The following PTPRQ variants were observed in gnomAD, a reference collection of about 807,000 sequenced individuals.
The protein encoded by PTPRQ is phosphatidylinositol phosphatase PTPRQ.
Under a neutral mutation model 246.0 loss-of-function variants are expected in PTPRQ, and 199 were observed. That is an observed-to-expected ratio of 0.81 (90% CI 0.72 to 0.91). PTPRQ has a LOEUF of 0.91. PTPRQ is among the 40% of genes least tolerant of loss of function. The pLI is 0.00. For missense variants in PTPRQ, 2,624 were observed against 2,528.4 expected (o/e 1.04, Z -0.81); for synonymous variants, 869 against 853.2 (o/e 1.02, Z -0.32).
At chr12:80,565,933 G>C (rs1040000555) in intron 25 of PTPRQ, among the ~76,000 whole-genome samples, 1 of 152,100 alleles carries the variant, frequency 6.6e-6, no homozygotes, top group African/African-American at 2.4e-5. Flanking sequence ...GCCACTATGA[G>C]ATTAAACACA....
In PTPRQ at chr12:80,632,296, G is replaced by A. The variant is rs1466880621; in HGVS notation, c.5786+5G>A. On this transcript the variant is annotated splice_donor_5th_base_variant and intron_variant, in intron 34 of 44. Transcript: ENST00000644991. ...AGCTATTTTTGCATTTGCAAGGTAA[G>A]ATTTATTTGCGCTTACATTCCAGGA... 1.9e-6 allele frequency: 3 copies of A among 1,551,044 alleles called. No homozygotes were observed. The East Asian group carries it at 7.3e-5, about 38-fold the overall frequency.
At chr12:80,514,797 T>C (rs1895242199) in intron 17 of PTPRQ, among the ~76,000 whole-genome samples, 1 of 146,940 alleles carries the variant, frequency 6.8e-6, no homozygotes, top group Non-Finnish European at 1.5e-5. Flanking sequence ...ATATATTTTT[T>C]CTTATTGTAT....
At chr12:80,483,241 T>G in intron 8 of PTPRQ, among the ~76,000 whole-genome samples, 1 of 132,326 alleles carries the variant, frequency 7.6e-6, no homozygotes. Flanking sequence ...ATGGATGAAA[T>G]TGGAAATCAT....
chr12:80,463,529 A>T lies in PTPRQ; in HGVS notation c.910+2627A>T, dbSNP rs529427141. Among the ~76,000 whole-genome samples, 8 of 152,158 alleles carry T rather than the reference A, an allele frequency of 5.3e-5. No homozygotes were observed. The South Asian group carries it at 1.7e-3, about 32-fold the overall frequency. ...GAAATACAGAGAATGCCACAAAGAT[A>T]CTCCTTGAGAAGAGCAACTCTAAGA... On this transcript the variant is annotated intron_variant, in intron 6 of 44. Coordinates refer to ENST00000644991, the MANE Select transcript of PTPRQ (RefSeq NM_001145026.2).
At chr12:80,473,595 A>G (rs1367381987) in intron 8 of PTPRQ, among the ~76,000 whole-genome samples, 1 of 152,252 alleles carries the variant, frequency 6.6e-6, no homozygotes, top group African/African-American at 2.4e-5. Context: ...AATAGAATCC[A>G]CAACTCAATA....
intron 43 of PTPRQ, among the ~76,000 whole-genome samples, chr12:80,676,957 A>G (rs1901164864): frequency 6.6e-6 from 1 of 152,188 alleles, no homozygotes; most frequent in Non-Finnish European, 1.5e-5. Flanking sequence ...TCTTAAGGTA[A>G]TATGGCTCTC....
intron 17 of PTPRQ, chr12:80,525,817 C>A (rs935878736): frequency 2.0e-5 from 3 of 152,024 alleles, no homozygotes; most frequent in Non-Finnish European, 4.4e-5. Context: ...TGGGAGTATA[C>A]TACTGATTAT....
At chr12:80,603,491 G>T (rs1032855210) in intron 26 of PTPRQ, among the ~76,000 whole-genome samples, 61 of 151,536 alleles carry the variant, frequency 4.0e-4, no homozygotes, top group African/African-American at 1.3e-3. Flanking sequence ...CATAAATACT[G>T]GTCTCTCTGT....
At chr12:80,535,084 T>G in intron 19 of PTPRQ, 47 bp downstream of exon 19, 1 of 1,443,034 alleles carries the variant, frequency 6.9e-7, no homozygotes, top group Non-Finnish European at 9.2e-7. Flanking sequence ...TCCTTAAGTT[T>G]TATTAATAAT....
intron 17 of PTPRQ, among the ~76,000 whole-genome samples, chr12:80,526,767 G>A (rs1895699181): frequency 6.6e-6 from 1 of 151,986 alleles, no homozygotes; most frequent in Non-Finnish European, 1.5e-5. Flanking sequence ...ACATTTAAGA[G>A]TCCTAACCAG....
chr12:80,525,493 T>C lies in PTPRQ; in HGVS notation c.2679-8522T>C, dbSNP rs1284883748. On this transcript the variant is annotated intron_variant, in intron 17 of 44. Transcript: ENST00000644991. Reference sequence around the variant, plus strand: ...GGAGAGCTGGTTAGGCCATATACATTGAGTCTTGAAGCCAGAATAAGAAGT... The same window carrying C: ...GGAGAGCTGGTTAGGCCATATACATCGAGTCTTGAAGCCAGAATAAGAAGT... Among the ~76,000 whole-genome samples the C allele has an allele frequency of 4.6e-5, 7 of 152,148 alleles. No homozygotes were observed. The East Asian group carries it at 1.3e-3, about 29-fold the overall frequency.
rs1198469938 is a variant in PTPRQ at position 80,484,623 on chromosome 12, C to T, written c.1359+18C>T. ...ATAATGAGGTATTGCATTTTTATTT[C>T]ACTTATTGGTGAACCCTTTCTGCTT... On this transcript the variant is annotated intron_variant, in intron 9 of 44. Transcript: ENST00000644991. 1 of 1,547,104 alleles carries T rather than the reference C, an allele frequency of 6.5e-7. No homozygotes were observed. The highest frequency in any genetic ancestry group is 8.7e-7 in the Non-Finnish European group (1 of 1,146,018).
At chr12:80,618,821 A>C in intron 30 of PTPRQ, among the ~76,000 whole-genome samples, 1 of 151,474 alleles carries the variant, frequency 6.6e-6, no homozygotes, top group East Asian at 1.9e-4. Context: ...AAGCAATATG[A>C]GGGGTAATTA....
intron 19 of PTPRQ, among the ~76,000 whole-genome samples, chr12:80,538,649 G>A (rs1324509531): frequency 6.6e-6 from 1 of 152,050 alleles, no homozygotes; most frequent in Non-Finnish European, 1.5e-5. Flanking sequence ...CTGAATACTG[G>A]CAAAAGAACC....
In PTPRQ at chr12:80,605,109, A is replaced by C. The variant is rs1377835548; in HGVS notation, c.4660A>C (p.Ser1554Arg). 2 of 1,545,502 alleles carry C rather than the reference A, an allele frequency of 1.3e-6. No individual in the cohort carries two copies. Among genetic ancestry groups the C allele is most frequent in the Non-Finnish European group, 1.7e-6 (2 of 1,143,348 alleles). The change falls in exon 27 of 45, where the codon AGC becomes CGC. Residue 1554 changes from serine to arginine, a missense_variant. Transcript: ENST00000644991. ...NVHVVATSPF[S>R]ISISWSEPAV... ...TCATGTAGTAGCAACATCACCTTTTAGCATCAGCATAAGCTGGAGTGAACC... is the reference window on the plus strand; with the variant it reads ...TCATGTAGTAGCAACATCACCTTTTCGCATCAGCATAAGCTGGAGTGAACC...
chr12:80,631,216 A>G (rs1033605647), intron 33 of PTPRQ, among the ~76,000 whole-genome samples: 1 of 152,198 alleles, frequency 6.6e-6, no homozygotes, highest in Non-Finnish European at 1.5e-5. Context: ...AGTTATAGCC[A>G]GAGTTTACAA....
chr12:80,645,833 G>T (rs977783832), intron 35 of PTPRQ, among the ~76,000 whole-genome samples: 3 of 152,064 alleles, frequency 2.0e-5, no homozygotes, highest in Admixed American at 2.0e-4. Context: ...AGAATATCTG[G>T]AGTGCAAACA....
At chr12:80,454,439 C>T (rs1204055265) in intron 3 of PTPRQ, 40 of 681,746 alleles carry the variant, frequency 5.9e-5, no homozygotes, top group South Asian at 1.7e-4. Context: ...GATGGAAATG[C>T]AGAAATGGAT....
intron 6 of PTPRQ, among the ~76,000 whole-genome samples, chr12:80,467,779 T>G (rs1893482468): frequency 6.6e-6 from 1 of 151,816 alleles, no homozygotes; most frequent in South Asian, 2.1e-4. Flanking sequence ...ACACCGCATA[T>G]TCTCACTCAT....
Sources: allele counts gnomAD v4.1 joint callset (sites outside exome capture counted in the v4.1 genomes callset), GRCh38; gene constraint gnomAD v4.1.1; transcripts MANE v1.5; gene names NCBI Gene and HGNC (gene_info 2026-07-23, HGNC 2026-07-21).